The following NXPH3 variants were observed in gnomAD, a reference collection of about 807,000 sequenced individuals.
The protein encoded by NXPH3 is neurexophilin-3.
Under a neutral mutation model 18.8 loss-of-function variants are expected in NXPH3, and 7 were observed. The observed-to-expected ratio is 0.37, with a 90% CI of 0.21 to 0.70. The LOEUF (loss-of-function observed/expected upper bound fraction) is 0.70. Ranked by LOEUF, NXPH3 falls within the 30% of genes least tolerant of loss-of-function variation. The pLI, the probability that NXPH3 is intolerant of heterozygous loss-of-function variation, is 0.53. For synonymous variants in NXPH3, 101 were observed against 137.3 expected (o/e 0.74, Z 1.85); for missense variants, 282 against 338.1 (o/e 0.83, Z 1.30).
Position 49,579,595 on chromosome 17 carries a change from C to A in NXPH3, c.*295C>A, listed in dbSNP as rs138614828. The A allele has an allele frequency of 1.4e-5, 6 of 427,696 alleles. No homozygotes were observed. Among genetic ancestry groups the A allele is most frequent in the Non-Finnish European group, 2.1e-5 (5 of 235,892 alleles). The allele number at this position is 427,696 out of a possible 1,614,324, so 26.5% of individuals were successfully genotyped here. A position where few individuals can be genotyped will look rare whatever the true frequency, so the allele number is the denominator to read the frequency against. ...CGGAGCCACAGAGAGATGCTGGGTC[C>A]CCGAGGCCTGTGGGCAGGCCGATCA... is the stretch of plus-strand genomic sequence containing the variant. On this transcript the variant is annotated 3_prime_UTR_variant, in exon 2 of 2. Transcript: ENST00000328741. The surrounding 1 kb of genome is among the most constrained non-coding windows in gnomAD (Gnocchi z 6.0).
Position 49,579,302 on chromosome 17 carries a change from C to T in NXPH3, c.*2C>T, listed in dbSNP as rs1464186519. On this transcript the variant is annotated 3_prime_UTR_variant, in exon 2 of 2. Coordinates refer to ENST00000328741, the MANE Select transcript of NXPH3 (RefSeq NM_007225.4). This position sits in a 1 kb window ranked among gnomAD's most constrained non-coding sequence, Gnocchi z 6.0. ...ACCCCCTACTACCCATCTGGGTGAC[C>T]CGGGGCAGGCCACAGAGGCCAGGCC... The T allele has an allele frequency of 6.3e-7, 1 of 1,592,502 alleles. No individual in the cohort carries two copies. Among genetic ancestry groups the T allele is most frequent in the Non-Finnish European group, 8.5e-7 (1 of 1,175,226 alleles).
chr17:49,577,612 C>A (rs113587448), intron 1 of NXPH3, among the ~76,000 whole-genome samples: 33 of 152,234 alleles, frequency 2.2e-4, no homozygotes, highest in African/African-American at 7.2e-4. Context: ...GCGGATGGCG[C>A]CTGGATAAAA....
Position 49,578,266 on chromosome 17 carries a change from C to G in NXPH3, c.55-330C>G, listed in dbSNP as rs2071580702. On this transcript the variant is annotated intron_variant, in intron 1 of 1. Transcript: ENST00000328741. This position sits in a 1 kb window ranked among gnomAD's most constrained non-coding sequence, Gnocchi z 4.5. The stretch of plus-strand genomic sequence containing the variant: ...CCCAAGATCAGAAGCTGGGCTTCCC[C>G]CATCAGACTGGGGACTCCCTAGGGG... 6.6e-6 allele frequency among the ~76,000 whole-genome samples: 1 copy of G among 152,204 alleles called. No individual in the cohort carries two copies. Among genetic ancestry groups the G allele is most frequent in the Admixed American group, 6.5e-5 (1 of 15,278 alleles).
rs1001688734 is a variant in NXPH3 at position 49,581,123 on chromosome 17, A to C, written c.*1823A>C. The stretch of plus-strand genomic sequence containing the variant: ...GCTATTGTATTGGATTTTCAATCTG[A>C]CCACATGCCAGTGAAGGAACAGGCT... On this transcript the variant is annotated 3_prime_UTR_variant, in exon 2 of 2. Coordinates refer to ENST00000328741, the MANE Select transcript of NXPH3 (RefSeq NM_007225.4). 2 of 165,248 alleles carry C rather than the reference A, an allele frequency of 1.2e-5. No homozygotes were observed. Among genetic ancestry groups the C allele is most frequent in the African/African-American group, 4.8e-5 (2 of 41,912 alleles). The allele number at this position is 165,248 out of a possible 1,614,324, so 10.2% of individuals were successfully genotyped here.
At position 49,579,369 on chromosome 17, in the gene NXPH3, G is replaced by T; in HGVS notation, c.*69G>T. The T allele has an allele frequency of 7.3e-7, 1 of 1,370,952 alleles. No individual in the cohort carries two copies. The highest frequency in any genetic ancestry group is 1.0e-6 in the Non-Finnish European group (1 of 1,002,440). The allele number at this position is 1,370,952 out of a possible 1,614,324, so 84.9% of individuals were successfully genotyped here. The stretch of plus-strand genomic sequence containing the variant: ...GCCTGCCCATGCAGGAGACCATCTG[G>T]ACACCGGGCAGGGAAGGGGTTGGGC... On this transcript the variant is annotated 3_prime_UTR_variant, in exon 2 of 2. Transcript: ENST00000328741. This position sits in a 1 kb window ranked among gnomAD's most constrained non-coding sequence, Gnocchi z 6.0.
Position 49,578,563 on chromosome 17 carries a change from G to C in NXPH3, c.55-33G>C, listed in dbSNP as rs1374801952. On this transcript the variant is annotated intron_variant, in intron 1 of 1. Coordinates refer to ENST00000328741, the MANE Select transcript of NXPH3 (RefSeq NM_007225.4). This position sits in a 1 kb window ranked among gnomAD's most constrained non-coding sequence, Gnocchi z 4.5. The stretch of plus-strand genomic sequence containing the variant: ...CGGGGGTGGTGGACCTCCAGGGACA[G>C]GGCTCTCACTGTACTCACAACTCCC... 1 of 1,497,830 alleles carries C rather than the reference G, an allele frequency of 6.7e-7. No homozygotes were observed. Among genetic ancestry groups the C allele is most frequent in the Non-Finnish European group, 8.9e-7 (1 of 1,118,354 alleles). The allele number at this position is 1,497,830 out of a possible 1,614,324, so 92.8% of individuals were successfully genotyped here.
chr17:49,581,903 C>T lies in NXPH3; in HGVS notation c.*2603C>T, dbSNP rs1169141341. Reference sequence around the variant, plus strand: ...TTCCTGGCACACAGTTCTGCCTGCACCAGGGATGGATTCATTTTAATAACT... The same window carrying T: ...TTCCTGGCACACAGTTCTGCCTGCATCAGGGATGGATTCATTTTAATAACT... On this transcript the variant is annotated 3_prime_UTR_variant, in exon 2 of 2. Coordinates refer to ENST00000328741, the MANE Select transcript of NXPH3 (RefSeq NM_007225.4). The T allele has an allele frequency of 3.2e-6, 2 of 631,364 alleles. No homozygotes were observed. Among genetic ancestry groups the T allele is most frequent in the African/African-American group, 1.8e-5 (1 of 54,860 alleles). The allele number at this position is 631,364 out of a possible 1,614,324, so 39.1% of individuals were successfully genotyped here.
In NXPH3 at chr17:49,583,622, G is replaced by A. The variant is rs1248228497; in HGVS notation, c.*4322G>A. 6.6e-6 allele frequency: 1 copy of A among 152,170 alleles called. No individual in the cohort carries two copies. Among genetic ancestry groups the A allele is most frequent in the African/African-American group, 2.4e-5 (1 of 41,416 alleles). 9.4% of individuals were successfully genotyped at this position (152,170 alleles called of 1,614,324 possible). A position where few individuals can be genotyped will look rare whatever the true frequency, so the allele number is the denominator to read the frequency against. The stretch of plus-strand genomic sequence containing the variant: ...AAGCTAGGTCCTCCTGAACTGCAGA[G>A]GCTGCCAATAAACTGGCAACACAGG... On this transcript the variant is annotated 3_prime_UTR_variant, in exon 2 of 2. Transcript: ENST00000328741.
At position 49,578,734 on chromosome 17, in the gene NXPH3, C is replaced by G; in HGVS notation, c.193C>G (p.Leu65Val). ...GTCCCGCCCCATGGCCAATTCCACT[C>G]TCCTAGGGCTGCTGGCCCCGCCTGG... ...PKSRPMANST[L>V]LGLLAPPGEA... is the part of the protein sequence containing the mutation. Residue 65 changes from leucine to valine, a missense_variant, in exon 2 of 2, where the codon CTC becomes GTC. Physicochemically the swap from Leu to Val is conservative, Grantham distance 32. Transcript: ENST00000328741. The surrounding 1 kb of genome is among the most constrained non-coding windows in gnomAD (Gnocchi z 4.5). The G allele has an allele frequency of 6.2e-7, 1 of 1,613,500 alleles. No homozygotes were observed. Among genetic ancestry groups the G allele is most frequent in the East Asian group, 2.2e-5 (1 of 44,888 alleles).
rs764714793 is a variant in NXPH3 at position 49,581,802 on chromosome 17, G to A, written c.*2502G>A. The A allele has an allele frequency of 1.4e-6, 1 of 701,852 alleles. No individual in the cohort carries two copies. The highest frequency in any genetic ancestry group is 1.5e-5 in the South Asian group (1 of 67,486). 43.5% of individuals were successfully genotyped at this position (701,852 alleles called of 1,614,324 possible). On this transcript the variant is annotated 3_prime_UTR_variant, in exon 2 of 2. Transcript: ENST00000328741. ...CTGGCTGAACTCTCAGCAGGCACTG[G>A]GGGCACTTTGACCCCCCTCCTGCTC...
At position 49,579,205 on chromosome 17, in the gene NXPH3, T is replaced by C; in HGVS notation, c.664T>C (p.Tyr222His). The change falls in exon 2 of 2, where the codon TAC becomes CAC. Residue 222 changes from tyrosine to histidine, a missense_variant. Transcript: ENST00000328741. This position sits in a 1 kb window ranked among gnomAD's most constrained non-coding sequence, Gnocchi z 6.0. ...CCAGCCCTTCAAAGTCGTCTGTGTC[T>C]ACATCGCCTTCTACAGCACGGACTA... is the stretch of plus-strand genomic sequence containing the variant. ...CSQPFKVVCV[Y>H]IAFYSTDYRL... is the part of the protein sequence containing the mutation. 6.2e-7 allele frequency: 1 copy of C among 1,610,136 alleles called. No homozygotes were observed. Among genetic ancestry groups the C allele is most frequent in the East Asian group, 2.2e-5 (1 of 44,892 alleles).
At chr17:49,576,307 G>T (rs1425770678) in intron 1 of NXPH3, 34 bp downstream of exon 1, 1 of 1,553,630 alleles carries the variant, frequency 6.4e-7, no homozygotes, top group East Asian at 2.4e-5. Flanking sequence ...GCAGAGGGGC[G>T]GGGGCCCGGA....
Position 49,579,206 on chromosome 17 carries a change from A to G in NXPH3, c.665A>G (p.Tyr222Cys). Residue 222 changes from tyrosine (Y) to cysteine (C), a missense_variant, in exon 2 of 2, where the codon TAC becomes TGC. Coordinates refer to ENST00000328741, the MANE Select transcript of NXPH3 (RefSeq NM_007225.4). The surrounding 1 kb of genome is among the most constrained non-coding windows in gnomAD (Gnocchi z 6.0). ...CSQPFKVVCV[Y>C]IAFYSTDYRL... Reference sequence around the variant, plus strand: ...CAGCCCTTCAAAGTCGTCTGTGTCTACATCGCCTTCTACAGCACGGACTAT... The same window carrying G: ...CAGCCCTTCAAAGTCGTCTGTGTCTGCATCGCCTTCTACAGCACGGACTAT... 1.2e-6 allele frequency: 2 copies of G among 1,610,190 alleles called. No individual in the cohort carries two copies. The highest frequency in any genetic ancestry group is 1.7e-6 in the Non-Finnish European group (2 of 1,180,012).
In NXPH3 at chr17:49,576,263, G is replaced by T; in HGVS notation, c.44G>T (p.Ser15Ile). The T allele has an allele frequency of 6.4e-7, 1 of 1,567,666 alleles. No homozygotes were observed. The highest frequency in any genetic ancestry group is 8.6e-7 in the Non-Finnish European group (1 of 1,156,524). ...RCCFVFLVQG[S>I]LYLVICGQDD... The stretch of plus-strand genomic sequence containing the variant: ...TGCTTCGTGTTCCTGGTGCAGGGTA[G>T]CCTCTATCTGGTGAGTGGTCCGAGG... The change falls in exon 1 of 2, where the codon AGC becomes ATC. Residue 15 changes from serine (S) to isoleucine (I), a missense_variant. Transcript: ENST00000328741.
Position 49,581,464 on chromosome 17 carries a change from C to T in NXPH3, c.*2164C>T. On this transcript the variant is annotated 3_prime_UTR_variant, in exon 2 of 2. Coordinates refer to ENST00000328741, the MANE Select transcript of NXPH3 (RefSeq NM_007225.4). ...AGCGCTCCGCGCAAACTGGTCCCCT[C>T]ATACTGCAGCGCAGAGTTGGGTGGG... is the stretch of plus-strand genomic sequence containing the variant. The T allele has an allele frequency of 1.6e-6, 1 of 613,922 alleles. No homozygotes were observed. Among genetic ancestry groups the T allele is most frequent in the Admixed American group, 2.7e-5 (1 of 36,708 alleles). 38.0% of individuals were successfully genotyped at this position (613,922 alleles called of 1,614,324 possible).
rs145511268 is a variant in NXPH3 at position 49,579,238 on chromosome 17, G to A, written c.697G>A (p.Val233Ile). 6 of 1,603,138 alleles carry A rather than the reference G, an allele frequency of 3.7e-6. No individual in the cohort carries two copies. The highest frequency in any genetic ancestry group is 4.2e-6 in the Non-Finnish European group (5 of 1,179,986). The change falls in exon 2 of 2, where the codon GTC becomes ATC. Residue 233 changes from valine (V) to isoleucine (I), a missense_variant. Physicochemically the swap from Val to Ile is conservative, Grantham distance 29 (BLOSUM62 3). Transcript: ENST00000328741. The surrounding 1 kb of genome is among the most constrained non-coding windows in gnomAD (Gnocchi z 6.0). Reference protein sequence around the residue: ...IAFYSTDYRLVQKVCPDYNYH... With the variant: ...IAFYSTDYRLIQKVCPDYNYH... ...CTTCTACAGCACGGACTATCGGCTG[G>A]TCCAGAAGGTGTGCCCAGATTACAA...
rs773958124 is a variant in NXPH3 at position 49,578,663 on chromosome 17, A to G, written c.122A>G (p.Gln41Arg). The change falls in exon 2 of 2, where the codon CAG becomes CGG. Residue 41 changes from glutamine (Q) to arginine (R), a missense_variant. By Grantham distance (43) the Gln-to-Arg change is conservative. Coordinates refer to ENST00000328741, the MANE Select transcript of NXPH3 (RefSeq NM_007225.4). This position sits in a 1 kb window ranked among gnomAD's most constrained non-coding sequence, Gnocchi z 4.5. ...CCTGAGCGTGATGACCACGAGGGCC[A>G]GCCCCGGCCCCGGGTGCCTCGGAAG... is the stretch of plus-strand genomic sequence containing the variant. ...EDPERDDHEG[Q>R]PRPRVPRKRG... is the part of the protein sequence containing the mutation. The G allele has an allele frequency of 6.2e-7, 1 of 1,609,578 alleles. No individual in the cohort carries two copies. The highest frequency in any genetic ancestry group is 2.2e-5 in the East Asian group (1 of 44,858).
At position 49,580,968 on chromosome 17, in the gene NXPH3, AC is replaced by A. The variant is rs1268059308; in HGVS notation, c.*1671del. ...GCTGCTCCAGGGCCCATGCTGGGAG[AC>A]CCACTCAAAGGACCTTGAAGTTCAT... On this transcript the variant is annotated 3_prime_UTR_variant, in exon 2 of 2. Coordinates refer to ENST00000328741, the MANE Select transcript of NXPH3 (RefSeq NM_007225.4). 6.5e-6 allele frequency: 1 copy of A among 152,934 alleles called. No individual in the cohort carries two copies. The highest frequency in any genetic ancestry group is 1.5e-5 in the Non-Finnish European group (1 of 68,616). The allele number at this position is 152,934 out of a possible 1,614,324, so 9.5% of individuals were successfully genotyped here. A position where few individuals can be genotyped will look rare whatever the true frequency, so the allele number is the denominator to read the frequency against.
rs2071603705 is a variant in NXPH3, at chr17:49,582,120, T to C, written c.*2820T>C. The C allele has an allele frequency of 5.8e-6, 3 of 516,196 alleles. No individual in the cohort carries two copies. Among genetic ancestry groups the C allele is most frequent in the Non-Finnish European group, 6.8e-6 (2 of 295,898 alleles). The allele number at this position is 516,196 out of a possible 1,614,324, so 32.0% of individuals were successfully genotyped here. A position where few individuals can be genotyped will look rare whatever the true frequency, so the allele number is the denominator to read the frequency against. The stretch of plus-strand genomic sequence containing the variant: ...GCTTGGTCCTCACAAGGGCAAGGGG[T>C]CCATCCAACTTCCTCTGGCTAAGAA... On this transcript the variant is annotated 3_prime_UTR_variant, in exon 2 of 2. Transcript: ENST00000328741.
Sources: gnomAD v4.1 joint callset for allele counts (sites outside exome capture counted in the v4.1 genomes callset) on GRCh38, gnomAD v4.1.1 for gene constraint, Gnocchi (gnomAD v3.1) non-coding constraint, MANE v1.5 for transcripts, NCBI Gene and HGNC (gene_info 2026-07-23, HGNC 2026-07-21) for gene names.